The following AXIN1 variants were observed in gnomAD, a reference collection of about 807,000 sequenced individuals.
AXIN1 encodes axin-1.
Under a neutral mutation model 76.4 loss-of-function variants are expected in AXIN1, and 30 were observed. The observed-to-expected ratio is 0.39, with a 90% CI of 0.29 to 0.53. The LOEUF (loss-of-function observed/expected upper bound fraction) is 0.53. Ranked by LOEUF, AXIN1 falls within the 20% of genes least tolerant of loss-of-function variation. AXIN1 has a pLI of 0.66. For synonymous variants in AXIN1, 545 were observed against 501.4 expected (o/e 1.09, Z -1.16); for missense variants, 1,140 against 1,198.8 (o/e 0.95, Z 0.72).
rs773681463 is a variant in AXIN1, at chr16:309,928, G to A, written c.1116+45C>T. 1.2e-5 allele frequency: 19 copies of A among 1,587,598 alleles called. No individual in the cohort carries two copies. The East Asian group carries it at 4.3e-4, about 36-fold the overall frequency. ...CGGACCAGTTCACCAGGCCCACGCT[G>A]AGCGGGGAGGACGATGGGCTGAGGA... On this transcript the variant is annotated intron_variant, in intron 4 of 10. Coordinates refer to ENST00000262320, the MANE Select transcript of AXIN1 (RefSeq NM_003502.4).
chr16:294,784 C>T (rs1323949183), intron 7 of AXIN1, among the ~76,000 whole-genome samples: 8 of 138,794 alleles, frequency 5.8e-5, no homozygotes, highest in Non-Finnish European at 1.2e-4. Flanking sequence ...AAAAAAAGGC[C>T]AGGCGCGGTG....
rs1340729078 is a variant in AXIN1, at chr16:320,738, TATATA to T, written c.879-6060_879-6056del. On this transcript the variant is annotated intron_variant, in intron 2 of 10. Coordinates refer to ENST00000262320, the MANE Select transcript of AXIN1 (RefSeq NM_003502.4). ...GCGTGTGTGTGTATATATATATATA[TATATA>T]TTTTTTTTTTTTTTGAGACGGAGCC... Among the ~76,000 whole-genome samples, 739 of 94,012 alleles carry T rather than the reference TATATA, an allele frequency of 7.9e-3. 5 individuals are homozygous for T. The highest frequency in any genetic ancestry group is 0.01 in the Middle Eastern group (2 of 194). The allele number at this position is 94,012 out of a possible 152,430, so 61.7% of individuals were successfully genotyped here.
chr16:298,700 C>G (rs1377196481), intron 5 of AXIN1, among the ~76,000 whole-genome samples: 1 of 151,516 alleles, frequency 6.6e-6, no homozygotes, highest in African/African-American at 2.4e-5. Context: ...GGGACAGATG[C>G]GATTCTCACC....
At chr16:341,439 C>T (rs1031362653) in intron 2 of AXIN1, among the ~76,000 whole-genome samples, 5 of 152,246 alleles carry the variant, frequency 3.3e-5, no homozygotes, top group East Asian at 3.8e-4. Flanking sequence ...CTGGGTCCCC[C>T]GGCAGTGCCG....
intron 2 of AXIN1, among the ~76,000 whole-genome samples, chr16:336,041 C>G (rs1461643251): frequency 2.0e-5 from 3 of 152,138 alleles, no homozygotes; most frequent in African/African-American, 4.8e-5. Flanking sequence ...TCGAGACCAG[C>G]CTGGCCAACA....
intron 9 of AXIN1, chr16:289,876 C>T: frequency 1.8e-6 from 1 of 560,832 alleles, no homozygotes; most frequent in Non-Finnish European, 3.2e-6. Context: ...GCCTGGCTGC[C>T]AGGTGCACTG....
intron 2 of AXIN1, among the ~76,000 whole-genome samples, chr16:343,386 C>G (rs1201142203): frequency 1.3e-5 from 2 of 152,210 alleles, no homozygotes; most frequent in African/African-American, 4.8e-5. Context: ...GCCCAGCCCT[C>G]AACTTCAGTC....
intron 2 of AXIN1, among the ~76,000 whole-genome samples, chr16:328,366 CTGAG>C (rs2053623062): frequency 1.3e-5 from 2 of 151,946 alleles, no homozygotes; most frequent in Non-Finnish European, 2.9e-5. Context: ...GCATTTCAGC[CTGAG>C]TAACACAGCA....
chr16:332,652 T>C (rs1226628266), intron 2 of AXIN1, among the ~76,000 whole-genome samples: 3 of 142,002 alleles, frequency 2.1e-5, no homozygotes, highest in Non-Finnish European at 4.5e-5. Context: ...CTAAACAATG[T>C]TGATCTAAAC....
Position 346,237 on chromosome 16 carries a change from G to C in AXIN1, c.789C>G (p.Pro263=), listed in dbSNP as rs2141700898. 1 of 1,614,156 alleles carries C rather than the reference G, an allele frequency of 6.2e-7. No individual in the cohort carries two copies. Among genetic ancestry groups the C allele is most frequent in the South Asian group, 1.1e-5 (1 of 91,088 alleles). Residue 263 remains proline, a synonymous_variant, in exon 2 of 11, where the codon CCC becomes CCG. Coordinates refer to ENST00000262320, the MANE Select transcript of AXIN1 (RefSeq NM_003502.4). ...GCAGCTTCTGAGGGAGTCTTCCGGG[G>C]GGAGCAGCGTCTCTGCCATCGTCCT... ...MDEDDGRDAA[P]PGRLPQKLLL...
At chr16:298,653 G>A (rs950787500) in intron 5 of AXIN1, among the ~76,000 whole-genome samples, 3 of 152,160 alleles carry the variant, frequency 2.0e-5, no homozygotes, top group Admixed American at 6.5e-5. Context: ...GACCACAGCC[G>A]TGTGCCACCA....
intron 3 of AXIN1, among the ~76,000 whole-genome samples, chr16:312,721 G>A (rs1291217865): frequency 2.6e-5 from 4 of 152,238 alleles, no homozygotes; most frequent in South Asian, 2.1e-4. Context: ...AGCTCTGCCC[G>A]GAAGGGGCAG....
chr16:295,145 C>T (rs1046508347), intron 7 of AXIN1, among the ~76,000 whole-genome samples: 4 of 149,836 alleles, frequency 2.7e-5, no homozygotes, highest in East Asian at 4.0e-4. Flanking sequence ...GTTGCCCAGG[C>T]TGCAGTGCAA....
intron 8 of AXIN1, chr16:292,586 G>C (rs1015987910): frequency 6.6e-6 from 1 of 152,260 alleles, no homozygotes; most frequent in African/African-American, 2.4e-5. Context: ...TGGACAGGAG[G>C]AGCTGGTGAC....
intron 1 of AXIN1, among the ~76,000 whole-genome samples, chr16:348,787 G>A (rs934727452): frequency 6.6e-6 from 1 of 151,978 alleles, no homozygotes; most frequent in African/African-American, 2.4e-5. Flanking sequence ...CTGGGCAACA[G>A]AGCAAGATCC....
intron 2 of AXIN1, among the ~76,000 whole-genome samples, chr16:330,857 T>C (rs1214154202): frequency 1.3e-5 from 2 of 152,236 alleles, no homozygotes; most frequent in African/African-American, 4.8e-5. Context: ...CAAGCTCAGA[T>C]TATCTATGCT....
At chr16:337,863 G>A (rs1340950214) in intron 2 of AXIN1, among the ~76,000 whole-genome samples, 4 of 152,376 alleles carry the variant, frequency 2.6e-5, no homozygotes, top group South Asian at 2.1e-4. Context: ...CCCCCTGGAC[G>A]CCACAGCAGT....
At chr16:298,503 T>TA (rs1317357570) in intron 5 of AXIN1, among the ~76,000 whole-genome samples, 2 of 152,190 alleles carry the variant, frequency 1.3e-5, no homozygotes, top group Admixed American at 6.5e-5. Flanking sequence ...TGCACAGATT[T>TA]AGTTTAGTTT....
rs780289084 is a variant in AXIN1, at chr16:293,723, G to C, written c.1956-5C>G. 2.7e-5 allele frequency: 44 copies of C among 1,612,870 alleles called. No individual in the cohort carries two copies. In the East Asian group the frequency reaches 9.6e-4, roughly 35 times the overall value. On this transcript the variant is annotated splice_region_variant and splice_polypyrimidine_tract_variant and intron_variant, in intron 7 of 10. Coordinates refer to ENST00000262320, the MANE Select transcript of AXIN1 (RefSeq NM_003502.4). The surrounding 1 kb of genome is among the most constrained non-coding windows in gnomAD (Gnocchi z 4.6). Reference sequence around the variant, plus strand: ...GGCTTCCTCGTCCCCGAAGACCTTGGGGAACAAGAGAACAAGTTGTGACTG... The same window carrying C: ...GGCTTCCTCGTCCCCGAAGACCTTGCGGAACAAGAGAACAAGTTGTGACTG...
Sources: gnomAD v4.1 joint callset for allele counts (sites outside exome capture counted in the v4.1 genomes callset) on GRCh38, gnomAD v4.1.1 for gene constraint, Gnocchi (gnomAD v3.1) non-coding constraint, MANE v1.5 for transcripts, NCBI Gene and HGNC (gene_info 2026-07-23, HGNC 2026-07-21) for gene names.